Variants in FCHSD2 observed in about 807,000 individuals in gnomAD.
FCHSD2 encodes the protein FCH and double SH3 domains 2.
Under a neutral mutation model 108.1 loss-of-function variants are expected in FCHSD2, and 38 were observed. The observed-to-expected ratio is 0.35, with a 90% CI of 0.27 to 0.46. FCHSD2 has a LOEUF of 0.46. Among genes scored for constraint, FCHSD2 ranks in the 20% least tolerant of loss-of-function variants. The pLI is 1.00. For missense variants in FCHSD2, 751 were observed against 897.8 expected (o/e 0.84, Z 2.09); for synonymous variants, 279 against 314.7 (o/e 0.89, Z 1.20).
chr11:72,848,860 T>C (rs897881247), intron 14 of FCHSD2, among the ~76,000 whole-genome samples: 1 of 152,200 alleles, frequency 6.6e-6, no homozygotes, highest in Non-Finnish European at 1.5e-5. Context: ...AGTTTTATAA[T>C]ACCCTGTAAT....
intron 3 of FCHSD2, among the ~76,000 whole-genome samples, chr11:73,051,271 C>T (rs1007311176): frequency 6.6e-6 from 1 of 151,998 alleles, no homozygotes; most frequent in South Asian, 2.1e-4. Flanking sequence ...GCCAAGATTG[C>T]ATTATTGCAC....
intron 8 of FCHSD2, among the ~76,000 whole-genome samples, chr11:72,946,632 A>T (rs1296219577): frequency 6.6e-5 from 10 of 152,216 alleles, no homozygotes; most frequent in Non-Finnish European, 1.5e-4. Context: ...CAAGTCTGTA[A>T]AATAGGTATT....
At chr11:73,041,606 TG>T (rs756192144) in intron 3 of FCHSD2, among the ~76,000 whole-genome samples, 42 of 152,006 alleles carry the variant, frequency 2.8e-4, no homozygotes, top group East Asian at 1.3e-3. Flanking sequence ...TTTGTTTGTT[TG>T]CTACTGAGTT....
intron 8 of FCHSD2, among the ~76,000 whole-genome samples, chr11:72,968,436 T>A (rs1856952873): frequency 6.6e-6 from 1 of 152,222 alleles, no homozygotes. Context: ...TACCTGTAGT[T>A]ATGTCTTGAT....
intron 8 of FCHSD2, among the ~76,000 whole-genome samples, chr11:72,952,329 C>CTT (rs571298552): frequency 2.1e-5 from 3 of 144,978 alleles, no homozygotes; most frequent in African/African-American, 2.5e-5. Context: ...GTTTGACTAT[C>CTT]TTTTTTTTTT....
At chr11:73,077,007 G>A (rs1162015964) in intron 3 of FCHSD2, among the ~76,000 whole-genome samples, 1 of 151,146 alleles carries the variant, frequency 6.6e-6, no homozygotes, top group Non-Finnish European at 1.5e-5. Flanking sequence ...CTACTCAGGA[G>A]GCTGAGGCAG....
intron 13 of FCHSD2, among the ~76,000 whole-genome samples, chr11:72,850,450 C>T (rs1861255971): frequency 6.6e-6 from 1 of 151,388 alleles, no homozygotes; most frequent in Admixed American, 6.6e-5. Context: ...GATCTCGGCT[C>T]ACTGCAAGCT....
rs538636207 is a variant in FCHSD2, at chr11:72,925,746, CG to C, written c.706-3797del. 1.2e-3 allele frequency among the ~76,000 whole-genome samples: 179 copies of C among 152,342 alleles called. 1 individual carries two copies. The highest frequency in any genetic ancestry group is 4.1e-3 in the African/African-American group (172 of 41,578). On this transcript the variant is annotated intron_variant, in intron 8 of 19. Coordinates refer to ENST00000409418, the MANE Select transcript of FCHSD2 (RefSeq NM_014824.3). ...ATGGCAGTGGCTGCTGCCATCATGC[CG>C]GCTAGAGCAGGGAAGCATTGCTGGG...
intron 8 of FCHSD2, among the ~76,000 whole-genome samples, chr11:72,969,419 G>A (rs958906660): frequency 2.6e-5 from 4 of 152,168 alleles, no homozygotes; most frequent in African/African-American, 9.7e-5. Flanking sequence ...TAGAGTATGT[G>A]TCTGAGAAAG....
chr11:72,896,816 T>TTTTTG (rs796577188), intron 10 of FCHSD2, among the ~76,000 whole-genome samples: 28 of 148,448 alleles, frequency 1.9e-4, no homozygotes, highest in East Asian at 3.9e-4. Context: ...GCCTTGTGGA[T>TTTTTG]TTTTGTTTTG....
In FCHSD2 at chr11:73,101,742, G is replaced by A. The variant is rs76757350; in HGVS notation, c.120-18002C>T. Among the ~76,000 whole-genome samples, 1,497 of 151,058 alleles carry A rather than the reference G, an allele frequency of 9.9e-3. 19 individuals are homozygous for A. Among genetic ancestry groups the A allele is most frequent in the African/African-American group, 0.035 (1,420 of 41,096 alleles). On this transcript the variant is annotated intron_variant, in intron 2 of 19. Coordinates refer to ENST00000409418, the MANE Select transcript of FCHSD2 (RefSeq NM_014824.3). ...GTGAGCCACTGCACCCCCCGCCCCCGAAAAAAACACAACACAACAAAGCAA... is the reference window on the plus strand; with the variant it reads ...GTGAGCCACTGCACCCCCCGCCCCCAAAAAAAACACAACACAACAAAGCAA...
intron 4 of FCHSD2, among the ~76,000 whole-genome samples, chr11:73,006,382 A>C (rs956953861): frequency 1.3e-5 from 2 of 152,248 alleles, no homozygotes; most frequent in Non-Finnish European, 2.9e-5. Flanking sequence ...CACTGACAGC[A>C]ACTCAAACCT....
In FCHSD2 at chr11:72,837,903, G is replaced by A. The variant is rs1002009936; in HGVS notation, c.*888C>T. The A allele has an allele frequency of 1.3e-5, 2 of 152,226 alleles. No homozygotes were observed. The highest frequency in any genetic ancestry group is 1.3e-4 in the Admixed American group (2 of 15,288). The allele number at this position is 152,226 out of a possible 1,614,324, so 9.4% of individuals were successfully genotyped here. A position where few individuals can be genotyped will look rare whatever the true frequency, so the allele number is the denominator to read the frequency against. On this transcript the variant is annotated 3_prime_UTR_variant, in exon 20 of 20. Transcript: ENST00000409418. ...CCCAGTAGAGAAGCTCAACAATGCA[G>A]GTATGTGTCCTCAACTTATCTAGAC...
intron 8 of FCHSD2, among the ~76,000 whole-genome samples, chr11:72,960,705 T>C (rs1427096242): frequency 6.6e-6 from 1 of 152,198 alleles, no homozygotes; most frequent in African/African-American, 2.4e-5. Context: ...CACCAGAAAG[T>C]TCTCTCTGCT....
At chr11:73,132,302 A>T (rs967877901) in intron 2 of FCHSD2, among the ~76,000 whole-genome samples, 1 of 152,236 alleles carries the variant, frequency 6.6e-6, no homozygotes, top group South Asian at 2.1e-4. Context: ...AATGCTAAAT[A>T]CCTACCATTC....
intron 3 of FCHSD2, among the ~76,000 whole-genome samples, chr11:73,057,273 G>C (rs1047014340): frequency 1.3e-5 from 2 of 152,114 alleles, no homozygotes; most frequent in Non-Finnish European, 2.9e-5. Context: ...CTAGGACACA[G>C]TACACAGGTT....
chr11:73,061,517 C>T (rs1004858615), intron 3 of FCHSD2, among the ~76,000 whole-genome samples: 5 of 152,172 alleles, frequency 3.3e-5, no homozygotes, highest in African/African-American at 1.2e-4. Context: ...TATGGGTCTG[C>T]GGGTCCCACC....
At chr11:72,968,353 C>T (rs1856951715) in intron 8 of FCHSD2, among the ~76,000 whole-genome samples, 1 of 152,084 alleles carries the variant, frequency 6.6e-6, no homozygotes, top group Non-Finnish European at 1.5e-5. Context: ...TAGAAAATAC[C>T]TTCAGGTTGA....
intron 9 of FCHSD2, among the ~76,000 whole-genome samples, chr11:72,910,614 G>A (rs1054422679): frequency 2.0e-5 from 3 of 152,154 alleles, no homozygotes; most frequent in African/African-American, 4.8e-5. Context: ...TTAAACAGAT[G>A]CCTGAAGGCA....
Sources: allele counts gnomAD v4.1 joint callset (sites outside exome capture counted in the v4.1 genomes callset), GRCh38; gene constraint gnomAD v4.1.1; transcripts MANE v1.5; gene names NCBI Gene and HGNC (gene_info 2026-07-23, HGNC 2026-07-21).